The following CCDC88A variants were observed in gnomAD, a reference collection of about 807,000 sequenced individuals.
CCDC88A encodes the protein coiled-coil and HOOK domain protein 88A, also known as girdin.
A neutral mutation model predicts 234.3 loss-of-function variants in CCDC88A; 54 were observed. The ratio of observed to expected loss-of-function variants is 0.23; its 90% CI spans 0.19 to 0.29. The LOEUF is 0.29. Ranked by LOEUF, CCDC88A falls within the 10% of genes least tolerant of loss-of-function variation. CCDC88A has a pLI of 1.00. For synonymous variants in CCDC88A, 753 were observed against 737.8 expected (o/e 1.02, Z -0.33); for missense variants, 1,832 against 2,123.4 (o/e 0.86, Z 2.70).
chr2:55,345,587 G>A (rs2589079), intron 10 of CCDC88A: 11,912 of 152,370 alleles, frequency 0.078, 708 homozygotes, highest in East Asian at 0.3. Context: ...AATAGAGACG[G>A]GGTTTTGCCA....
intron 3 of CCDC88A, among the ~76,000 whole-genome samples, chr2:55,385,436 A>G (rs1261548415): frequency 6.6e-6 from 1 of 152,224 alleles, no homozygotes; most frequent in Non-Finnish European, 1.5e-5. Flanking sequence ...AGCTTAATAA[A>G]TAAAAGTTTA....
rs2104557383 is a variant in CCDC88A, at chr2:55,297,373, T to TTATATATAAATATATATTATATA, written c.4826-873_4826-851dup. 1.9e-5 allele frequency among the ~76,000 whole-genome samples: 2 copies of TTATATATAAATATATATTATATA among 104,646 alleles called. 1 individual carries two copies. The highest frequency in any genetic ancestry group is 8.9e-5 in the African/African-American group (2 of 22,358). 68.7% of individuals were successfully genotyped at this position (104,646 alleles called of 152,430 possible). The stretch of plus-strand genomic sequence containing the variant: ...TATATATAAATATATATAATATATA[T>TTATATATAAATATATATTATATA]TATATATAAATATATATTATATATA... On this transcript the variant is annotated intron_variant, in intron 29 of 32. Coordinates refer to ENST00000436346, the MANE Select transcript of CCDC88A (RefSeq NM_001365480.1).
rs774047156 is a variant in CCDC88A at position 55,334,727 on chromosome 2, T to G, written c.2094A>C (p.Gln698His). Residue 698 changes from glutamine to histidine, a missense_variant, in exon 15 of 33, where the codon CAA becomes CAC. By Grantham distance (24) the Gln-to-His change is conservative. Around this residue, in one of 6 missense-constraint regions of CCDC88A, gnomAD observed 1,282 missense variants for 1,543.6 expected, o/e 0.83. Transcript: ENST00000436346. The surrounding 1 kb of genome is among the most constrained non-coding windows in gnomAD (Gnocchi z 6.1). ...GCAGTTCTAAGTTTTCCTCATCAAG[T>G]TGGGAATTCTCTTTTTCTAGGGATT... ...QLESLEKENS[Q>H]LDEENLELRR... is the part of the protein sequence containing the mutation. 2 of 1,612,880 alleles carry G rather than the reference T, an allele frequency of 1.2e-6. No homozygotes were observed. Among genetic ancestry groups the G allele is most frequent in the Non-Finnish European group, 8.5e-7 (1 of 1,179,494 alleles).
chr2:55,323,478 A>T (rs1230334023), intron 17 of CCDC88A: 1 of 152,220 alleles, frequency 6.6e-6, no homozygotes, highest in Non-Finnish European at 1.5e-5. Flanking sequence ...ATGCCAAGAT[A>T]GAATGTAATG....
chr2:55,356,119 T>A (rs1045373018), intron 7 of CCDC88A: 1 of 156,334 alleles, frequency 6.4e-6, no homozygotes. Context: ...AAGCCCAGCA[T>A]GCATTAGCTC....
chr2:55,413,454 T>C (rs762629822), intron 2 of CCDC88A, among the ~76,000 whole-genome samples: 1 of 152,188 alleles, frequency 6.6e-6, no homozygotes, highest in Non-Finnish European at 1.5e-5. Context: ...TTTGGAGATA[T>C]TAGGCTCACA....
chr2:55,344,979 C>T (rs986657652), intron 10 of CCDC88A, among the ~76,000 whole-genome samples: 2 of 152,106 alleles, frequency 1.3e-5, no homozygotes, highest in African/African-American at 4.8e-5. Context: ...TAAACCAAGG[C>T]TCTATTAATA....
intron 31 of CCDC88A, chr2:55,293,443 A>G (rs1293747346): frequency 1.3e-5 from 2 of 152,576 alleles, no homozygotes; most frequent in East Asian, 3.8e-4. Context: ...AGGTGGTACT[A>G]AAATATGACA....
intron 17 of CCDC88A, among the ~76,000 whole-genome samples, chr2:55,326,352 C>T (rs1684263031): frequency 6.6e-6 from 1 of 151,868 alleles, no homozygotes; most frequent in Non-Finnish European, 1.5e-5. Flanking sequence ...TTTTATCTCC[C>T]TTTTTTGGTC....
intron 22 of CCDC88A, 168 bp from the exon 23 acceptor site, chr2:55,312,747 G>T: frequency 1.9e-6 from 1 of 528,316 alleles, no homozygotes; most frequent in Non-Finnish European, 3.4e-6. Flanking sequence ...CTACAGCACT[G>T]GGTTACATGC....
rs1677493641 is a variant in CCDC88A, at chr2:55,396,089, T to C, written c.165-7203A>G. 4.6e-5 allele frequency among the ~76,000 whole-genome samples: 7 copies of C among 152,076 alleles called. No homozygotes were observed. In the South Asian group the frequency reaches 1.5e-3, roughly 32 times the overall value. On this transcript the variant is annotated intron_variant, in intron 2 of 32. Coordinates refer to ENST00000436346, the MANE Select transcript of CCDC88A (RefSeq NM_001365480.1). Reference sequence around the variant, plus strand: ...TATTTTTTTTTTCTTTTTTCTTGTCTGGTATCTTTTTTAGTCAGTAAGTTA... The same window carrying C: ...TATTTTTTTTTTCTTTTTTCTTGTCCGGTATCTTTTTTAGTCAGTAAGTTA...
chr2:55,316,000 A>G lies in CCDC88A; in HGVS notation c.3861T>C (p.Ala1287=). 6.3e-7 allele frequency: 1 copy of G among 1,588,604 alleles called. No homozygotes were observed. The highest frequency in any genetic ancestry group is 8.6e-7 in the Non-Finnish European group (1 of 1,167,848). The part of the protein sequence containing the change: ...NSKLEQTRLE[A]EFSKLKEQYQ... ...ATTGTTCCTTTAGTTTTGAAAATTC[A>G]GCTTCTAATCTTGTTTGTTCCAGTT... Residue 1287 remains alanine (A), a synonymous_variant, in exon 22 of 33, where the codon GCT becomes GCC. Transcript: ENST00000436346.
At chr2:55,408,171 G>A (rs570107377) in intron 2 of CCDC88A, among the ~76,000 whole-genome samples, 2 of 151,640 alleles carry the variant, frequency 1.3e-5, no homozygotes, top group Admixed American at 1.3e-4. Context: ...GTCTAATCTT[G>A]GTCCTAATCA....
intron 9 of CCDC88A, among the ~76,000 whole-genome samples, chr2:55,347,396 C>G (rs72923191): frequency 1.2e-4 from 19 of 152,028 alleles, no homozygotes; most frequent in African/African-American, 4.3e-4. Flanking sequence ...CTCATGAGGG[C>G]AGAGTAAAGT....
chr2:55,320,145 C>T (rs1017479761), intron 18 of CCDC88A, among the ~76,000 whole-genome samples: 2 of 151,788 alleles, frequency 1.3e-5, no homozygotes, highest in Non-Finnish European at 2.9e-5. Flanking sequence ...AAAATGTGTA[C>T]TAGAAAAAAT....
At chr2:55,341,249 G>A (rs1304787434) in intron 12 of CCDC88A, among the ~76,000 whole-genome samples, 3 of 147,014 alleles carry the variant, frequency 2.0e-5, no homozygotes, top group Non-Finnish European at 4.5e-5. Context: ...GGGTTCAAGC[G>A]ATTTTCCTGC....
At position 55,419,153 on chromosome 2, in the gene CCDC88A, G is replaced by C; in HGVS notation, c.-74C>G. On this transcript the variant is annotated 5_prime_UTR_variant, in exon 1 of 33. An upstream open reading frame in the 5' UTR gains an earlier in-frame stop. Transcript: ENST00000436346. ...AGGGAATTGGTCACTAAACGTGGAA[G>C]TAAGTAGAAATCAATGAAAGTCCAT... The C allele has an allele frequency of 1.1e-6, 1 of 889,094 alleles. No individual in the cohort carries two copies. The highest frequency in any genetic ancestry group is 1.7e-5 in the African/African-American group (1 of 59,554). The allele number at this position is 889,094 out of a possible 1,614,324, so 55.1% of individuals were successfully genotyped here.
chr2:55,371,494 C>T (rs1436659905), intron 5 of CCDC88A, among the ~76,000 whole-genome samples: 1 of 152,044 alleles, frequency 6.6e-6, no homozygotes, highest in African/African-American at 2.4e-5. Flanking sequence ...CAAAAAATGG[C>T]TGAAATGAAA....
At chr2:55,361,248 A>G (rs1671270633) in intron 7 of CCDC88A, among the ~76,000 whole-genome samples, 1 of 152,194 alleles carries the variant, frequency 6.6e-6, no homozygotes, top group Non-Finnish European at 1.5e-5. Flanking sequence ...CAGTAAAAAG[A>G]CACTAAAAAA....
Sources: allele counts gnomAD v4.1 joint callset (sites outside exome capture counted in the v4.1 genomes callset), GRCh38; gene constraint gnomAD v4.1.1; regional missense constraint gnomAD v4.1.1; non-coding constraint Gnocchi (gnomAD v3.1); transcripts MANE v1.5; gene names NCBI Gene and HGNC (gene_info 2026-07-23, HGNC 2026-07-21).